Variants in KANK1 observed in about 807,000 individuals in gnomAD.
The protein encoded by KANK1 is KN motif and ankyrin repeat domain-containing protein 1.
Under a neutral mutation model 106.2 loss-of-function variants are expected in KANK1, and 109 were observed. The ratio of observed to expected loss-of-function variants is 1.03; its 90% CI spans 0.88 to 1.20. The LOEUF (loss-of-function observed/expected upper bound fraction) is 1.20. KANK1 is among the 50% of genes most tolerant of loss of function. KANK1 has a pLI of 0.00. For synonymous variants in KANK1, 873 were observed against 652.2 expected, an observed-to-expected ratio of 1.34 and a Z score of -5.16; for missense variants, 2,399 against 1,710.7, an observed-to-expected ratio of 1.40 and a Z score of -7.10.
chr9:584,569 T>A (rs1184753620), intron 1 of KANK1, among the ~76,000 whole-genome samples: 1 of 152,228 alleles, frequency 6.6e-6, no homozygotes, highest in Non-Finnish European at 1.5e-5. Flanking sequence ...TCCTTTTATG[T>A]TAAATAAGTA....
chr9:599,264 C>T (rs1195995321), intron 1 of KANK1, among the ~76,000 whole-genome samples: 1 of 151,458 alleles, frequency 6.6e-6, no homozygotes, highest in South Asian at 2.1e-4. Flanking sequence ...GTGATCTGCC[C>T]ATCCCAGCCT....
At chr9:598,496 A>G in intron 1 of KANK1, among the ~76,000 whole-genome samples, 1 of 151,178 alleles carries the variant, frequency 6.6e-6, no homozygotes. Flanking sequence ...CCATGAATAT[A>G]GGATGTATTT....
chr9:563,045 T>G (rs1313720061), intron 1 of KANK1, among the ~76,000 whole-genome samples: 1 of 152,210 alleles, frequency 6.6e-6, no homozygotes, highest in Admixed American at 6.5e-5. Context: ...ATTCTGCATT[T>G]TTCAGGTGAT....
chr9:523,501 G>A, intron 1 of KANK1, among the ~76,000 whole-genome samples: 1 of 151,744 alleles, frequency 6.6e-6, no homozygotes, highest in East Asian at 1.9e-4. Context: ...TCACATTGTG[G>A]CACTGCGTAG....
chr9:474,740 C>T (rs2058076447), intron 3 of KANK1, among the ~76,000 whole-genome samples: 1 of 152,138 alleles, frequency 6.6e-6, no homozygotes, highest in Non-Finnish European at 1.5e-5. Context: ...TGGGGTTGAG[C>T]AGGGGGAGAT....
intron 1 of KANK1, chr9:660,017 A>AC: frequency 3.3e-6 from 1 of 304,932 alleles, no homozygotes; most frequent in Admixed American, 3.5e-5. Flanking sequence ...CACTCTTTCC[A>AC]CCCCTTTGCT....
chr9:638,533 C>T (rs1417295201), intron 1 of KANK1, among the ~76,000 whole-genome samples: 1 of 152,044 alleles, frequency 6.6e-6, no homozygotes, highest in East Asian at 1.9e-4. Context: ...CACTGGGGCT[C>T]GAGTTATATT....
chr9:572,059 G>T (rs1007590695), intron 1 of KANK1, among the ~76,000 whole-genome samples: 1 of 151,806 alleles, frequency 6.6e-6, no homozygotes, highest in East Asian at 1.9e-4. Flanking sequence ...TCCTTTTTTA[G>T]GGCATTTCAG....
At chr9:726,594 G>A (rs1032813420) in intron 3 of KANK1, among the ~76,000 whole-genome samples, 2 of 151,842 alleles carry the variant, frequency 1.3e-5, no homozygotes, top group Non-Finnish European at 2.9e-5. Flanking sequence ...AGCCAAGATC[G>A]CACCACTGCA....
At chr9:488,686 A>G (rs989675024) in intron 3 of KANK1, among the ~76,000 whole-genome samples, 1 of 152,220 alleles carries the variant, frequency 6.6e-6, no homozygotes, top group African/African-American at 2.4e-5. Flanking sequence ...ACTGTCTTGT[A>G]AGAGTCAAGT....
intron 2 of KANK1, among the ~76,000 whole-genome samples, chr9:682,241 C>T (rs1243850073): frequency 6.6e-6 from 1 of 151,154 alleles, no homozygotes; most frequent in Non-Finnish European, 1.5e-5. Flanking sequence ...CACAGTGCTA[C>T]TGCACTCCAG....
At chr9:512,191 CAT>C (rs1475431718) in intron 1 of KANK1, among the ~76,000 whole-genome samples, 8 of 151,884 alleles carry the variant, frequency 5.3e-5, no homozygotes, top group African/African-American at 1.5e-4. Flanking sequence ...AGGCTTCCCT[CAT>C]GTGTTACTAA....
intron 1 of KANK1, among the ~76,000 whole-genome samples, chr9:616,308 T>C (rs888542565): frequency 6.6e-6 from 1 of 152,180 alleles, no homozygotes; most frequent in Non-Finnish European, 1.5e-5. Flanking sequence ...GGTGATACTG[T>C]ATCAACTCGT....
At chr9:615,305 GAC>G (rs1831538512) in intron 1 of KANK1, among the ~76,000 whole-genome samples, 1 of 152,164 alleles carries the variant, frequency 6.6e-6, no homozygotes, top group African/African-American at 2.4e-5. Flanking sequence ...ACTGTTAATA[GAC>G]ACATAATTTG....
At chr9:737,018 C>G (rs1338333876) in intron 7 of KANK1, among the ~76,000 whole-genome samples, 7 of 152,170 alleles carry the variant, frequency 4.6e-5, no homozygotes, top group Non-Finnish European at 4.4e-5. Context: ...ATGGGTACAT[C>G]TTTTTAACTG....
chr9:599,249 C>A (rs1171069231), intron 1 of KANK1, among the ~76,000 whole-genome samples: 1 of 151,300 alleles, frequency 6.6e-6, no homozygotes, highest in African/African-American at 2.4e-5. Context: ...AACTCCTGAC[C>A]TCAGGTGATC....
At chr9:638,052 G>T (rs1212740833) in intron 1 of KANK1, among the ~76,000 whole-genome samples, 3 of 152,198 alleles carry the variant, frequency 2.0e-5, no homozygotes, top group African/African-American at 7.2e-5. Context: ...GTTACATACA[G>T]ATGCACACTG....
intron 3 of KANK1, among the ~76,000 whole-genome samples, chr9:487,040 G>C (rs910560897): frequency 7.9e-5 from 12 of 152,176 alleles, no homozygotes; most frequent in African/African-American, 2.9e-4. Context: ...AAGAAAGTAA[G>C]ACCTGGAAGT....
chr9:474,405 A>G (rs1056352123), intron 3 of KANK1, among the ~76,000 whole-genome samples: 1 of 152,218 alleles, frequency 6.6e-6, no homozygotes, highest in Non-Finnish European at 1.5e-5. Flanking sequence ...TTAATTGCAT[A>G]AGTATGTTTC....
Sources: allele counts gnomAD v4.1 joint callset (sites outside exome capture counted in the v4.1 genomes callset), GRCh38; gene constraint gnomAD v4.1.1; transcripts MANE v1.5; gene names NCBI Gene and HGNC (gene_info 2026-07-23, HGNC 2026-07-21).